Variants in ATAD2 observed in about 807,000 individuals in gnomAD.
ATAD2 encodes the protein ATPase family AAA domain containing 2.
Under a neutral mutation model 168.9 loss-of-function variants are expected in ATAD2, and 62 were observed. That is an observed-to-expected ratio of 0.37 (90% CI 0.30 to 0.45). The LOEUF is 0.45. Ranked by LOEUF, ATAD2 falls within the 20% of genes least tolerant of loss-of-function variation. The pLI is 1.00. For synonymous variants in ATAD2, 613 were observed against 571.6 expected, an observed-to-expected ratio of 1.07 and a Z score of -1.03; for missense variants, 1,419 against 1,667.8, an observed-to-expected ratio of 0.85 and a Z score of 2.60.
intron 6 of ATAD2, among the ~76,000 whole-genome samples, chr8:123,370,423 T>C (rs1028176111): frequency 6.6e-6 from 1 of 152,124 alleles, no homozygotes; most frequent in African/African-American, 2.4e-5. Flanking sequence ...CTTTCTAAAC[T>C]TAAGTTTGAC....
At chr8:123,335,228 A>T (rs1341222340) in intron 22 of ATAD2, among the ~76,000 whole-genome samples, 1 of 152,194 alleles carries the variant, frequency 6.6e-6, no homozygotes, top group African/African-American at 2.4e-5. Context: ...ATTGCAATGC[A>T]ACAGAGAAAG....
intron 2 of ATAD2, among the ~76,000 whole-genome samples, chr8:123,373,092 C>T (rs1357176338): frequency 6.6e-6 from 1 of 151,942 alleles, no homozygotes; most frequent in Non-Finnish European, 1.5e-5. Context: ...CGAGGTTTCA[C>T]CATGTTAGCC....
At chr8:123,360,938 A>C (rs77565216) in intron 9 of ATAD2, among the ~76,000 whole-genome samples, 1 of 111,030 alleles carries the variant, frequency 9.0e-6, no homozygotes, top group Non-Finnish European at 1.9e-5. Context: ...TATTATAAGC[A>C]AAAAAAAAAA....
At chr8:123,408,231 C>T (rs1019066584) in intron 1 of ATAD2, among the ~76,000 whole-genome samples, 6 of 152,158 alleles carry the variant, frequency 3.9e-5, no homozygotes, top group Non-Finnish European at 7.3e-5. Context: ...CCAGATTCCC[C>T]TTCTGTCTGG....
At chr8:123,412,372 C>T (rs538161115) in intron 1 of ATAD2, among the ~76,000 whole-genome samples, 2 of 152,140 alleles carry the variant, frequency 1.3e-5, no homozygotes, top group East Asian at 3.8e-4. Flanking sequence ...AATGCTTACA[C>T]CCTGCTCAGA....
At chr8:123,396,562 G>A (rs1162574654), upstream of ATAD2, 58 of 572,850 alleles carry the variant, frequency 1.0e-4, no homozygotes, top group East Asian at 9.8e-4. Flanking sequence ...CCTCCCATTT[G>A]TAGAGCGAAG....
intron 26 of ATAD2, among the ~76,000 whole-genome samples, chr8:123,324,266 C>CA (rs1245308386): frequency 6.6e-6 from 1 of 152,206 alleles, no homozygotes; most frequent in Non-Finnish European, 1.5e-5. Context: ...TTAGTACTAA[C>CA]AGGTTCACTT....
At chr8:123,345,416 C>A (rs1236776526) in intron 18 of ATAD2, among the ~76,000 whole-genome samples, 1 of 150,904 alleles carries the variant, frequency 6.6e-6, no homozygotes, top group Non-Finnish European at 1.5e-5. Context: ...AATCCACGCA[C>A]TTTGGGAGGC....
At chr8:123,396,722 G>C (rs1353623821), upstream of ATAD2, among the ~76,000 whole-genome samples, 1 of 152,100 alleles carries the variant, frequency 6.6e-6, no homozygotes, top group Non-Finnish European at 1.5e-5. Context: ...TGCGTAGCCC[G>C]TTTGGAATTT....
At chr8:123,369,288 C>G in intron 7 of ATAD2, 113 bp from the exon 8 acceptor site, 1 of 282,864 alleles carries the variant, frequency 3.5e-6, no homozygotes, top group Non-Finnish European at 5.9e-6. Context: ...TGCTTATCGC[C>G]TTCCATGAAG....
chr8:123,394,490 G>A (rs527807118), intron 1 of ATAD2, among the ~76,000 whole-genome samples: 9 of 152,106 alleles, frequency 5.9e-5, no homozygotes, highest in Non-Finnish European at 1.0e-4. Flanking sequence ...TTAGCCCAGC[G>A]TGGTGGTGTA....
chr8:123,330,651 C>T (rs187915873), intron 24 of ATAD2, among the ~76,000 whole-genome samples: 6 of 151,954 alleles, frequency 3.9e-5, no homozygotes, highest in East Asian at 3.9e-4. Context: ...CGTGAGCCAC[C>T]GCGCCTGGCC....
rs1394059483 is a variant in ATAD2, at chr8:123,396,433, C to A, written c.-76G>T. The A allele has an allele frequency of 7.2e-7, 1 of 1,394,508 alleles. No individual in the cohort carries two copies. Among genetic ancestry groups the A allele is most frequent in the Middle Eastern group, 2.6e-4 (1 of 3,838 alleles). 86.4% of individuals were successfully genotyped at this position (1,394,508 alleles called of 1,614,324 possible). On this transcript the variant is annotated 5_prime_UTR_variant, in exon 1 of 28. Coordinates refer to ENST00000287394, the MANE Select transcript of ATAD2 (RefSeq NM_014109.4). ...CAGGCGCTCGCAGCTCTGGCTCTTCCGCGCTCCGAATTCTGGCGCCACAAG... is the reference window on the plus strand; with the variant it reads ...CAGGCGCTCGCAGCTCTGGCTCTTCAGCGCTCCGAATTCTGGCGCCACAAG...
intron 1 of ATAD2, among the ~76,000 whole-genome samples, chr8:123,408,780 G>A (rs1226525793): frequency 6.6e-6 from 1 of 151,682 alleles, no homozygotes; most frequent in African/African-American, 2.4e-5. Flanking sequence ...GCCTCCCAAA[G>A]TGTTGGGATT....
intron 18 of ATAD2, 45 bp downstream of exon 18, chr8:123,346,041 C>G: frequency 7.3e-7 from 1 of 1,366,446 alleles, no homozygotes; most frequent in Non-Finnish European, 9.6e-7. Flanking sequence ...TAGCTTTTGC[C>G]TCTGAAAGCC....
At chr8:123,357,848 G>A (rs1224403751) in intron 11 of ATAD2, 112 bp from the exon 12 acceptor site, 1 of 1,098,512 alleles carries the variant, frequency 9.1e-7, no homozygotes, top group Non-Finnish European at 1.3e-6. Flanking sequence ...AAATGTGTAA[G>A]ACAACTGAAT....
chr8:123,344,149 GA>G (rs1298616277), intron 19 of ATAD2, among the ~76,000 whole-genome samples: 3 of 151,848 alleles, frequency 2.0e-5, no homozygotes, highest in Non-Finnish European at 4.4e-5. Flanking sequence ...GAGTCCAGTA[GA>G]AAAAAATCTG....
At chr8:123,407,863 A>G (rs1199768285) in intron 1 of ATAD2, among the ~76,000 whole-genome samples, 1 of 152,040 alleles carries the variant, frequency 6.6e-6, no homozygotes, top group East Asian at 1.9e-4. Context: ...AAAAAAAAAA[A>G]AAAGAAACGG....
chr8:123,324,952 A>G (rs563114298), intron 26 of ATAD2, among the ~76,000 whole-genome samples: 7 of 152,034 alleles, frequency 4.6e-5, no homozygotes, highest in African/African-American at 7.2e-5. Flanking sequence ...GCTCATGCCT[A>G]TAATCCTAGC....
Sources: allele counts gnomAD v4.1 joint callset (sites outside exome capture counted in the v4.1 genomes callset), GRCh38; gene constraint gnomAD v4.1.1; transcripts MANE v1.5; gene names NCBI Gene and HGNC (gene_info 2026-07-23, HGNC 2026-07-21).